Variants in PLA2G4A observed in about 807,000 individuals in gnomAD.
The protein encoded by PLA2G4A is phospholipase A2 group IVA, also known as cytosolic phospholipase A2.
PLA2G4A carries 40 observed loss-of-function variants against 81.9 expected under a neutral mutation model. The observed-to-expected ratio is 0.49, with a 90% CI of 0.38 to 0.64. The LOEUF (loss-of-function observed/expected upper bound fraction) is 0.64, where lower values mean the gene tolerates loss of function less well. PLA2G4A is among the 30% of genes least tolerant of loss of function. The pLI, the probability that PLA2G4A is intolerant of heterozygous loss-of-function variation, is 0.00. For synonymous variants in PLA2G4A, 302 were observed against 296.9 expected, an observed-to-expected ratio of 1.02 and a Z score of -0.18; for missense variants, 715 against 905.1, an observed-to-expected ratio of 0.79 and a Z score of 2.69.
chr1:186,846,258 G>A (rs978576489), intron 1 of PLA2G4A, among the ~76,000 whole-genome samples: 1 of 152,116 alleles, frequency 6.6e-6, no homozygotes. Flanking sequence ...ATTCCTAACT[G>A]GAATTGGACA....
chr1:186,970,156 G>A lies in PLA2G4A; in HGVS notation c.1764+4563G>A, dbSNP rs114361275. Among the ~76,000 whole-genome samples the A allele has an allele frequency of 8.4e-3, 1,272 of 151,868 alleles. 11 individuals carry two copies. Among genetic ancestry groups the A allele is most frequent in the African/African-American group, 0.029 (1,220 of 41,458 alleles). ...GTAGTTTTAATTTGTATTTCTTTGA[G>A]GATTAGTGATGTTAAACATTTTTTC... On this transcript the variant is annotated intron_variant, in intron 15 of 17. Coordinates refer to ENST00000367466, the MANE Select transcript of PLA2G4A (RefSeq NM_024420.3).
chr1:186,905,021 A>C (rs1247255827), intron 5 of PLA2G4A, among the ~76,000 whole-genome samples: 2 of 151,992 alleles, frequency 1.3e-5, no homozygotes, highest in Admixed American at 6.6e-5. Flanking sequence ...TGCCTGGATA[A>C]TTTTTGTATT....
Position 186,893,296 on chromosome 1 carries a change from T to C in PLA2G4A, c.264+137T>C. The C allele has an allele frequency of 1.0e-5, 8 of 791,880 alleles. No homozygotes were observed. In the South Asian group the frequency reaches 1.1e-4, roughly 11 times the overall value. 49.1% of individuals were successfully genotyped at this position (791,880 alleles called of 1,614,324 possible). On this transcript the variant is annotated intron_variant, in intron 4 of 17. Coordinates refer to ENST00000367466, the MANE Select transcript of PLA2G4A (RefSeq NM_024420.3). ...CTGGGCAGCTTGGTAGACTAGAATC[T>C]AAATGGTGTCTGTCAAGTAATATGA...
chr1:186,863,847 G>A (rs1036528735), intron 2 of PLA2G4A, among the ~76,000 whole-genome samples: 3 of 150,578 alleles, frequency 2.0e-5, no homozygotes, highest in Admixed American at 6.6e-5. Flanking sequence ...TGTAACCTCC[G>A]CCTCCCGGGT....
chr1:186,916,124 G>A (rs892393112), intron 7 of PLA2G4A, among the ~76,000 whole-genome samples: 1 of 152,106 alleles, frequency 6.6e-6, no homozygotes, highest in Non-Finnish European at 1.5e-5. Context: ...GGCACATTTA[G>A]TTCATCATAG....
At chr1:186,942,107 C>A (rs929180122) in intron 10 of PLA2G4A, among the ~76,000 whole-genome samples, 1 of 152,078 alleles carries the variant, frequency 6.6e-6, no homozygotes, top group Non-Finnish European at 1.5e-5. Context: ...TGGAAGGGGG[C>A]ATGTAGCAGG....
intron 3 of PLA2G4A, chr1:186,870,772 T>A (rs776436018): frequency 6.8e-7 from 1 of 1,472,284 alleles, no homozygotes; most frequent in South Asian, 1.2e-5. Flanking sequence ...TTCTTTGCTG[T>A]TAAACGTATA....
At chr1:186,939,508 A>G (rs912261905) in intron 9 of PLA2G4A, among the ~76,000 whole-genome samples, 1 of 137,226 alleles carries the variant, frequency 7.3e-6, no homozygotes, top group East Asian at 2.2e-4. Context: ...AAAAAAAAAA[A>G]AAAAATTCAC....
At chr1:186,909,525 T>C (rs767359084) in intron 6 of PLA2G4A, among the ~76,000 whole-genome samples, 3 of 151,234 alleles carry the variant, frequency 2.0e-5, no homozygotes, top group Non-Finnish European at 2.9e-5. Context: ...CCAGGTGTAT[T>C]GGTGCGTGCC....
At position 186,920,365 on chromosome 1, in the gene PLA2G4A, G is replaced by A. The variant is rs531902123; in HGVS notation, c.558+8976G>A. Among the ~76,000 whole-genome samples the A allele has an allele frequency of 3.3e-5, 5 of 152,292 alleles. No homozygotes were observed. In the East Asian group the frequency reaches 7.7e-4, roughly 24 times the overall value. ...CGAGCAGGTCCGTGGTAGGCAGAAAGCCTGCTTAGTGGAAACTCCTGTTGC... is the reference window on the plus strand; with the variant it reads ...CGAGCAGGTCCGTGGTAGGCAGAAAACCTGCTTAGTGGAAACTCCTGTTGC... On this transcript the variant is annotated intron_variant, in intron 7 of 17. Coordinates refer to ENST00000367466, the MANE Select transcript of PLA2G4A (RefSeq NM_024420.3).
At chr1:186,833,967 C>CA (rs1651687744) in intron 1 of PLA2G4A, among the ~76,000 whole-genome samples, 1 of 152,162 alleles carries the variant, frequency 6.6e-6, no homozygotes, top group Non-Finnish European at 1.5e-5. Context: ...TTTTTTGGCA[C>CA]ATGCAGTTGT....
chr1:186,945,521 G>A (rs140591178), intron 10 of PLA2G4A, among the ~76,000 whole-genome samples: 4 of 152,114 alleles, frequency 2.6e-5, no homozygotes, highest in Non-Finnish European at 5.9e-5. Flanking sequence ...GGAGGTCCAG[G>A]AGAGAGAATA....
rs531516080 is a variant in PLA2G4A at position 186,896,908 on chromosome 1, T to G, written c.378+2697T>G. Among the ~76,000 whole-genome samples the G allele has an allele frequency of 3.9e-5, 6 of 152,184 alleles. No homozygotes were observed. In the South Asian group the frequency reaches 1.2e-3, roughly 32 times the overall value. On this transcript the variant is annotated intron_variant, in intron 5 of 17. Coordinates refer to ENST00000367466, the MANE Select transcript of PLA2G4A (RefSeq NM_024420.3). ...AGTCCCCTGCTTGTTCCTCAGATCA[T>G]GTGGGAGTGCCCTGTGCCAGCCACC...
chr1:186,950,251 G>A lies in PLA2G4A; in HGVS notation c.1265-406G>A, dbSNP rs12720638. On this transcript the variant is annotated intron_variant, in intron 12 of 17. Coordinates refer to ENST00000367466, the MANE Select transcript of PLA2G4A (RefSeq NM_024420.3). ...ATCTTTCATTCATTTTAAGAAAACT[G>A]TTTGGTAGCTCACCTGTAGATTTTG... is the stretch of plus-strand genomic sequence containing the variant. 1.7e-3 allele frequency among the ~76,000 whole-genome samples: 249 copies of A among 149,354 alleles called. 6 individuals are homozygous for A. The East Asian group carries it at 0.041, about 24-fold the overall frequency.
In PLA2G4A at chr1:186,911,252, T is replaced by G; in HGVS notation, c.421T>G (p.Cys141Gly). ...TTTATCTGTTTGGTATTACAGCTCA[T>G]GCCCAGACCTACGATTTAGTATGGC... is the stretch of plus-strand genomic sequence containing the variant. The part of the protein sequence containing the change: ...VLEMSLEVCS[C>G]PDLRFSMALC... The change falls in exon 7 of 18, where the codon TGC becomes GGC. Residue 141 changes from cysteine to glycine, a missense_variant. Cys to Gly is a radical substitution (Grantham distance 159). Coordinates refer to ENST00000367466, the MANE Select transcript of PLA2G4A (RefSeq NM_024420.3). 2 of 1,613,330 alleles carry G rather than the reference T, an allele frequency of 1.2e-6. No homozygotes were observed. Among genetic ancestry groups the G allele is most frequent in the Non-Finnish European group, 1.7e-6 (2 of 1,179,302 alleles).
chr1:186,903,322 A>G (rs726706), intron 5 of PLA2G4A, among the ~76,000 whole-genome samples: 55,559 of 152,082 alleles, frequency 0.37, 12,244 homozygotes, highest in Non-Finnish European at 0.49. Context: ...ATTGGAGTAC[A>G]TAAGGGAAGT....
rs10657628 is a variant in PLA2G4A at position 186,962,486 on chromosome 1, TTTTATTTATTTATTTATTTA to T, written c.1580-2891_1580-2872del. The stretch of plus-strand genomic sequence containing the variant: ...AACTCTATACTTTGTAGTTATTTTA[TTTTATTTATTTATTTATTTA>T]TTTATTTATTTATTTATTTATTTAT... On this transcript the variant is annotated intron_variant, in intron 14 of 17. Transcript: ENST00000367466. Among the ~76,000 whole-genome samples the T allele has an allele frequency of 3.6e-4, 49 of 136,698 alleles. 1 individual carries two copies. Among genetic ancestry groups the T allele is most frequent in the East Asian group, 2.5e-3 (12 of 4,714 alleles). The allele number at this position is 136,698 out of a possible 152,430, so 89.7% of individuals were successfully genotyped here. A position where few individuals can be genotyped will look rare whatever the true frequency, so the allele number is the denominator to read the frequency against.
intron 1 of PLA2G4A, among the ~76,000 whole-genome samples, chr1:186,833,926 C>T (rs776229471): frequency 3.9e-5 from 6 of 152,124 alleles, no homozygotes; most frequent in Non-Finnish European, 5.9e-5. Context: ...AGATAATAGA[C>T]CAAATTGGCT....
At chr1:186,870,604 G>C in intron 3 of PLA2G4A, 88 bp downstream of exon 3, 1 of 1,165,944 alleles carries the variant, frequency 8.6e-7, no homozygotes, top group Non-Finnish European at 1.3e-6. Context: ...CGGAGGTTCT[G>C]CCTTCTTCAA....
Sources: gnomAD v4.1 joint callset for allele counts (sites outside exome capture counted in the v4.1 genomes callset) on GRCh38, gnomAD v4.1.1 for gene constraint, MANE v1.5 for transcripts, NCBI Gene and HGNC (gene_info 2026-07-23, HGNC 2026-07-21) for gene names.